TPO: variants seen among roughly 807,000 people sequenced by gnomAD.
TPO encodes the protein thyroid microsomal antigen.
In TPO, 78 loss-of-function variants were observed where a neutral mutation model predicts 96.9. The ratio of observed to expected loss-of-function variants is 0.81; its 90% CI spans 0.67 to 0.97. TPO has a LOEUF of 0.97. TPO is among the 50% of genes least tolerant of loss of function. TPO has a pLI of 0.00. For synonymous variants in TPO, 547 were observed against 538.0 expected (o/e 1.02, Z -0.23); for missense variants, 1,252 against 1,274.8 (o/e 0.98, Z 0.27).
chr2:1,404,465 G>C (rs758328442), intron 1 of TPO, among the ~76,000 whole-genome samples: 1 of 152,202 alleles, frequency 6.6e-6, no homozygotes, highest in Non-Finnish European at 1.5e-5. Flanking sequence ...TGTACCTGGA[G>C]ATAAGGTTGT....
upstream of TPO, among the ~76,000 whole-genome samples, chr2:1,410,674 C>A (rs974597283): frequency 6.8e-6 from 1 of 147,726 alleles, no homozygotes; most frequent in Non-Finnish European, 1.5e-5. Context: ...TCGGTGGGCC[C>A]GGGACTGGAC....
At chr2:1,479,549 C>T (rs1002523634) in intron 8 of TPO, among the ~76,000 whole-genome samples, 4 of 152,124 alleles carry the variant, frequency 2.6e-5, no homozygotes, top group Non-Finnish European at 5.9e-5. Context: ...GTTCACAGAG[C>T]GGGAAACGCC....
intron 5 of TPO, among the ~76,000 whole-genome samples, chr2:1,446,212 C>T (rs1666802436): frequency 6.6e-6 from 1 of 152,150 alleles, no homozygotes; most frequent in Non-Finnish European, 1.5e-5. Context: ...GTGACCATTG[C>T]TTTGATCTTC....
In TPO at chr2:1,530,143, T is replaced by TC. The variant is rs1464044776; in HGVS notation, c.2619-10446dup. Among the ~76,000 whole-genome samples, 3 of 41,998 alleles carry TC rather than the reference T, an allele frequency of 7.1e-5. No homozygotes were observed. In the East Asian group the frequency reaches 2.3e-3, roughly 32 times the overall value. 27.6% of individuals were successfully genotyped at this position (41,998 alleles called of 152,430 possible). ...TCCCTATGCGCAACCTCGCAAAATC[T>TC]CCCCCACTATGTGCAACCTCCTCAA... On this transcript the variant is annotated intron_variant, in intron 15 of 16. Coordinates refer to ENST00000329066, the MANE Select transcript of TPO (RefSeq NM_001206744.2).
intron 1 of TPO, among the ~76,000 whole-genome samples, chr2:1,400,690 A>G (rs1662154666): frequency 6.6e-6 from 1 of 151,686 alleles, no homozygotes; most frequent in Non-Finnish European, 1.5e-5. Flanking sequence ...GAAAACGTAA[A>G]TTTCCTTCAC....
chr2:1,408,366 C>T (rs892194921), intron 1 of TPO, among the ~76,000 whole-genome samples: 1 of 152,198 alleles, frequency 6.6e-6, no homozygotes, highest in African/African-American at 2.4e-5. Flanking sequence ...CTCTGCACTT[C>T]CCAGTTAATT....
intron 5 of TPO, among the ~76,000 whole-genome samples, chr2:1,450,366 C>T (rs1051296688): frequency 2.0e-5 from 3 of 152,166 alleles, no homozygotes; most frequent in Non-Finnish European, 2.9e-5. Context: ...GTGCCAGGTG[C>T]CTGGGAGAGG....
upstream of TPO, among the ~76,000 whole-genome samples, chr2:1,410,581 T>A (rs1436443818): frequency 6.6e-6 from 1 of 152,130 alleles, no homozygotes; most frequent in Non-Finnish European, 1.5e-5. Context: ...CATGCATTGA[T>A]CAAGGTATTC....
intron 1 of TPO, among the ~76,000 whole-genome samples, chr2:1,382,001 T>G (rs1661817810): frequency 6.6e-6 from 1 of 152,150 alleles, no homozygotes; most frequent in Non-Finnish European, 1.5e-5. Flanking sequence ...GATGGGAAGA[T>G]GGAGGAGTTT....
intron 15 of TPO, among the ~76,000 whole-genome samples, chr2:1,530,434 ACT>A (rs1174222095): frequency 1.4e-5 from 2 of 143,742 alleles, no homozygotes; most frequent in African/African-American, 2.6e-5. Flanking sequence ...AATCCCCACC[ACT>A]GTGTGCAACC....
intron 16 of TPO, chr2:1,542,200 C>T: frequency 4.7e-6 from 3 of 641,560 alleles, no homozygotes; most frequent in Non-Finnish European, 5.4e-6. Context: ...TGAGTAGGAA[C>T]CTTTGCCACG....
chr2:1,529,334 C>T (rs370043620), intron 15 of TPO, among the ~76,000 whole-genome samples: 2 of 89,706 alleles, frequency 2.2e-5, no homozygotes, highest in African/African-American at 5.2e-5. Flanking sequence ...CCCCAAATTC[C>T]CCCACTGTGT....
intron 13 of TPO, among the ~76,000 whole-genome samples, chr2:1,498,453 C>G (rs1672569458): frequency 6.6e-6 from 1 of 152,248 alleles, no homozygotes; most frequent in African/African-American, 2.4e-5. Context: ...AAGGAGCTGC[C>G]TGGGCATGGA....
At chr2:1,406,336 C>A (rs1456996394) in intron 1 of TPO, among the ~76,000 whole-genome samples, 1 of 152,198 alleles carries the variant, frequency 6.6e-6, no homozygotes, top group East Asian at 1.9e-4. Context: ...TAAAAAAGTA[C>A]CATTTTTTAA....
intron 5 of TPO, chr2:1,438,957 G>C (rs1313010187): frequency 2.9e-6 from 2 of 684,948 alleles, no homozygotes; most frequent in Non-Finnish European, 5.4e-6. Context: ...CACCTGCAAA[G>C]CCTGCCCCTG....
intron 2 of TPO, among the ~76,000 whole-genome samples, chr2:1,417,022 A>C (rs1663033506): frequency 6.6e-6 from 1 of 152,202 alleles, no homozygotes; most frequent in Non-Finnish European, 1.5e-5. Flanking sequence ...TTTATAGATC[A>C]AAACGTAGAG....
At chr2:1,518,043 G>T (rs1445096206) in intron 15 of TPO, among the ~76,000 whole-genome samples, 1 of 152,024 alleles carries the variant, frequency 6.6e-6, no homozygotes, top group African/African-American at 2.4e-5. Context: ...GGCCTTCAGA[G>T]CTCCTCACTG....
intron 1 of TPO, among the ~76,000 whole-genome samples, chr2:1,390,164 C>A (rs191240274): frequency 2.0e-5 from 3 of 152,070 alleles, no homozygotes; most frequent in Non-Finnish European, 2.9e-5. Flanking sequence ...TGCTATCCCC[C>A]CCCAGCTCCC....
intron 14 of TPO, among the ~76,000 whole-genome samples, chr2:1,511,625 A>G (rs1161300711): frequency 6.6e-6 from 1 of 152,166 alleles, no homozygotes; most frequent in Non-Finnish European, 1.5e-5. Flanking sequence ...CTGAGGACTC[A>G]CCCCTTGGCT....
Sources: gnomAD v4.1 joint callset for allele counts (sites outside exome capture counted in the v4.1 genomes callset) on GRCh38, gnomAD v4.1.1 for gene constraint, MANE v1.5 for transcripts, NCBI Gene and HGNC (gene_info 2026-07-23, HGNC 2026-07-21) for gene names.